Variants in FBXO24 observed in about 807,000 individuals in gnomAD.
The protein encoded by FBXO24 is F-box only protein 24.
A neutral mutation model predicts 63.5 loss-of-function variants in FBXO24; 30 were observed. The observed-to-expected ratio is 0.47, with a 90% confidence interval of 0.35 to 0.64. The LOEUF (loss-of-function observed/expected upper bound fraction) is 0.64, where lower values mean the gene tolerates loss of function less well. Among genes scored for constraint, FBXO24 ranks in the 30% least tolerant of loss-of-function variants. FBXO24 has a pLI of 0.00. For synonymous variants in FBXO24, 300 were observed against 305.0 expected (o/e 0.98, Z 0.17); for missense variants, 624 against 763.4 (o/e 0.82, Z 2.15).
intron 4 of FBXO24, among the ~76,000 whole-genome samples, chr7:100,592,466 A>G (rs967102714): frequency 2.6e-5 from 4 of 152,144 alleles, no homozygotes; most frequent in African/African-American, 9.7e-5. Flanking sequence ...GTGAGAACCC[A>G]CTATCACGAA....
At position 100,600,168 on chromosome 7, in the gene FBXO24, G is replaced by C; in HGVS notation, c.1344G>C (p.Lys448Asn). The change falls in exon 9 of 10, where the codon AAG (lysine) becomes AAC (asparagine). Residue 448 changes from lysine (K) to asparagine (N), a missense_variant. Physicochemically the swap from Lys to Asn is moderately conservative, Grantham distance 94. This residue lies in a region of FBXO24 where 216 missense variants were observed against 245.2 expected (regional missense o/e 0.88). Coordinates refer to ENST00000241071, the MANE Select transcript of FBXO24 (RefSeq NM_033506.3). The surrounding 1 kb of genome is among the most constrained non-coding windows in gnomAD (Gnocchi z 6.3). ...GAGGRLPGWP[K>N]GSASFVKLQV... ...GGGGCCGCCTCCCAGGCTGGCCCAA[G>C]GGGAGTGCCTCCTTCGTCAAGCTCC... The C allele has an allele frequency of 6.3e-7, 1 of 1,583,036 alleles. No individual in the cohort carries two copies.
intron 8 of FBXO24, chr7:100,599,677 T>C (rs1342371507): frequency 1.2e-5 from 3 of 246,810 alleles, no homozygotes; most frequent in Non-Finnish European, 1.6e-5. Flanking sequence ...TAACCTGGAA[T>C]TGCACAAGAA....
chr7:100,594,654 G>GA lies in FBXO24; in HGVS notation c.952+117dup, dbSNP rs1430094935. 4 of 1,229,404 alleles carry GA rather than the reference G, an allele frequency of 3.3e-6. No homozygotes were observed. In the East Asian group the frequency reaches 1.1e-4, roughly 33 times the overall value. 76.2% of individuals were successfully genotyped at this position (1,229,404 alleles called of 1,614,324 possible). A position where few individuals can be genotyped will look rare whatever the true frequency, so the allele number is the denominator to read the frequency against. ...GGTGAACCCCTGAGGGCATCCTAGT[G>GA]AAAAGATGTGTTTAGGGCCGGCATG... On this transcript the variant is annotated intron_variant, in intron 6 of 9. Transcript: ENST00000241071. The surrounding 1 kb of genome is among the most constrained non-coding windows in gnomAD (Gnocchi z 4.2).
At chr7:100,599,978 C>T (rs1279799985) in intron 8 of FBXO24, 53 bp from the exon 9 acceptor site, 3 of 1,417,184 alleles carry the variant, frequency 2.1e-6, no homozygotes, top group South Asian at 1.2e-5. Context: ...CCCACCCCAG[C>T]CCCCCCGTCC....
chr7:100,589,670 G>T (rs1052209457), intron 1 of FBXO24: 17 of 1,512,538 alleles, frequency 1.1e-5, no homozygotes, highest in African/African-American at 5.6e-5. Flanking sequence ...AGGAACGGGG[G>T]GGCCAAGGGC....
At chr7:100,593,047 CTG>C (rs1313785486) in intron 5 of FBXO24, 30 bp downstream of exon 5, 15 of 1,590,808 alleles carry the variant, frequency 9.4e-6, no homozygotes, top group African/African-American at 1.3e-5. Context: ...CTTTTGCAAA[CTG>C]TTTCCTGCAG....
rs900371989 is a variant in FBXO24, at chr7:100,594,380, C to T, written c.794-3C>T. The T allele has an allele frequency of 3.7e-6, 6 of 1,611,526 alleles. No homozygotes were observed. In the African/African-American group the frequency reaches 8.0e-5, roughly 22 times the overall value. On this transcript the variant is annotated splice_region_variant and splice_polypyrimidine_tract_variant and intron_variant, in intron 5 of 9. Coordinates refer to ENST00000241071, the MANE Select transcript of FBXO24 (RefSeq NM_033506.3). This position sits in a 1 kb window ranked among gnomAD's most constrained non-coding sequence, Gnocchi z 4.2. ...CCCAACTAATTGCTTCCCCTACCCC[C>T]AGAGGAAGGAAAGATCTACTCTTTG...
intron 1 of FBXO24, 181 bp downstream of exon 1, chr7:100,586,845 T>C: frequency 5.3e-6 from 3 of 569,350 alleles, no homozygotes; most frequent in Non-Finnish European, 9.7e-6. Context: ...TTGTCGCAGC[T>C]GAAGGGGCAG....
At chr7:100,599,441 G>A (rs1802477107) in intron 8 of FBXO24, among the ~76,000 whole-genome samples, 1 of 151,942 alleles carries the variant, frequency 6.6e-6, no homozygotes, top group Non-Finnish European at 1.5e-5. Flanking sequence ...GGGTGTGGTG[G>A]CAAGGACCTG....
chr7:100,593,073 T>C, intron 5 of FBXO24, 56 bp downstream of exon 5: 1 of 1,483,384 alleles, frequency 6.7e-7, no homozygotes, highest in Non-Finnish European at 9.3e-7. Context: ...CCTCAGACCC[T>C]GCTGCAGAGG....
At chr7:100,599,975 CA>C in intron 8 of FBXO24, 55 bp from the exon 9 acceptor site, 2 of 1,433,746 alleles carry the variant, frequency 1.4e-6, no homozygotes, top group Non-Finnish European at 1.9e-6. Context: ...TTTCCCACCC[CA>C]GCCCCCCCGT....
In FBXO24 at chr7:100,600,772, TGAA is replaced by T. The variant is rs772162537; in HGVS notation, c.1618_1620del (p.Lys540del). The T allele has an allele frequency of 3.5e-5, 57 of 1,614,042 alleles. 1 individual carries two copies. In the Middle Eastern group the frequency reaches 6.6e-4, roughly 19 times the overall value. ...ACGTTGCAGGACCGCACGGAGAAGA[TGAA>T]GGAGATCGTAGGGTGGATGCCCCTG... is the stretch of plus-strand genomic sequence containing the variant. On this transcript the variant is annotated inframe_deletion, in exon 10 of 10. Coordinates refer to ENST00000241071, the MANE Select transcript of FBXO24 (RefSeq NM_033506.3). This position sits in a 1 kb window ranked among gnomAD's most constrained non-coding sequence, Gnocchi z 6.3.
At chr7:100,599,977 G>T in intron 8 of FBXO24, 54 bp from the exon 9 acceptor site, 6 of 784,336 alleles carry the variant, frequency 7.6e-6, no homozygotes, top group Non-Finnish European at 1.0e-5. Context: ...TCCCACCCCA[G>T]CCCCCCCGTC....
At chr7:100,589,762 C>T in intron 1 of FBXO24, 1 of 1,544,212 alleles carries the variant, frequency 6.5e-7, no homozygotes. Flanking sequence ...CAAAAATTCA[C>T]CAGGCTGTGT....
chr7:100,596,803 G>A (rs973367148), intron 8 of FBXO24, among the ~76,000 whole-genome samples: 1 of 152,168 alleles, frequency 6.6e-6, no homozygotes, highest in Non-Finnish European at 1.5e-5. Context: ...AGCACTTTGG[G>A]AGACCAAGGT....
intron 8 of FBXO24, among the ~76,000 whole-genome samples, chr7:100,596,255 G>A (rs1215301445): frequency 6.6e-6 from 1 of 152,072 alleles, no homozygotes; most frequent in Non-Finnish European, 1.5e-5. Flanking sequence ...CTCCAGCCTG[G>A]GCCACAGAGC....
chr7:100,592,886 G>A lies in FBXO24; in HGVS notation c.662G>A (p.Cys221Tyr), dbSNP rs772432971. 6.2e-7 allele frequency: 1 copy of A among 1,614,116 alleles called. No homozygotes were observed. The highest frequency in any genetic ancestry group is 1.7e-5 in the Admixed American group (1 of 60,000). The part of the protein sequence containing the change: ...EVVGTTSSRA[C>Y]DCVEVYLQSS... Reference sequence around the variant, plus strand: ...GTGGGTACCACCAGCAGCCGGGCCTGTGACTGTGTTGAGGTCTATCTGCAG... The same window carrying A: ...GTGGGTACCACCAGCAGCCGGGCCTATGACTGTGTTGAGGTCTATCTGCAG... Residue 221 changes from cysteine (C) to tyrosine (Y), a missense_variant, in exon 5 of 10, where the codon TGT (cysteine) becomes TAT (tyrosine). Transcript: ENST00000241071.
rs543425294 is a variant in FBXO24 at position 100,593,922 on chromosome 7, C to A, written c.794-461C>A. 1.3e-4 allele frequency among the ~76,000 whole-genome samples: 20 copies of A among 152,156 alleles called. No homozygotes were observed. In the East Asian group the frequency reaches 3.5e-3, roughly 26 times the overall value. On this transcript the variant is annotated intron_variant, in intron 5 of 9. Coordinates refer to ENST00000241071, the MANE Select transcript of FBXO24 (RefSeq NM_033506.3). Reference sequence around the variant, plus strand: ...CTCAACCACATCCCCAGGCCTGAGACCCTTTAGGCTTTTTCTTAAAATATT... The same window carrying A: ...CTCAACCACATCCCCAGGCCTGAGAACCTTTAGGCTTTTTCTTAAAATATT...
Position 100,600,301 on chromosome 7 carries a change from G to T in FBXO24, c.1377+100G>T, listed in dbSNP as rs2131282404. On this transcript the variant is annotated intron_variant, in intron 9 of 9. Transcript: ENST00000241071. The surrounding 1 kb of genome is among the most constrained non-coding windows in gnomAD (Gnocchi z 6.3). ...TGGGGCTCCTGCAGGGACCCAGGGG[G>T]TCCCATTTCCCTAGCACCACCCCAC... 4.9e-6 allele frequency: 7 copies of T among 1,415,032 alleles called. No homozygotes were observed. The East Asian group carries it at 7.5e-5, about 15-fold the overall frequency. 87.7% of individuals were successfully genotyped at this position (1,415,032 alleles called of 1,614,324 possible).
Sources: gnomAD v4.1 joint callset for allele counts (sites outside exome capture counted in the v4.1 genomes callset) on GRCh38, gnomAD v4.1.1 for gene constraint, gnomAD v4.1.1 regional missense constraint, Gnocchi (gnomAD v3.1) non-coding constraint, MANE v1.5 for transcripts, NCBI Gene and HGNC (gene_info 2026-07-23, HGNC 2026-07-21) for gene names.